ROR2: variants seen among roughly 807,000 people sequenced by gnomAD.
The protein encoded by ROR2 is tyrosine-protein kinase transmembrane receptor ROR2.
A neutral mutation model predicts 74.9 loss-of-function variants in ROR2; 33 were observed. The observed-to-expected ratio is 0.44, with a 90% CI of 0.33 to 0.59. The LOEUF (loss-of-function observed/expected upper bound fraction) is 0.59. Among genes scored for constraint, ROR2 ranks in the 20% least tolerant of loss-of-function variants. ROR2 has a pLI of 0.02. For missense variants in ROR2, 1,216 were observed against 1,313.8 expected (o/e 0.93, Z 1.15); for synonymous variants, 586 against 558.7 (o/e 1.05, Z -0.69).
intron 8 of ROR2, 98 bp from the exon 9 acceptor site, chr9:91,725,205 C>A: frequency 1.3e-6 from 2 of 1,594,074 alleles, no homozygotes; most frequent in Non-Finnish European, 8.5e-7. Context: ...TGTGCGGCCA[C>A]GACTAGGGGG....
intron 1 of ROR2, among the ~76,000 whole-genome samples, chr9:91,806,783 G>C: frequency 6.6e-6 from 1 of 152,042 alleles, no homozygotes; most frequent in Non-Finnish European, 1.5e-5. Flanking sequence ...TAGAGACGGG[G>C]TTTCACCGTG....
intron 1 of ROR2, among the ~76,000 whole-genome samples, chr9:91,888,117 G>A (rs919862978): frequency 2.0e-5 from 3 of 151,946 alleles, no homozygotes; most frequent in Admixed American, 1.3e-4. Context: ...CCAACACTTC[G>A]TATTGTCAGA....
chr9:91,727,691 G>C (rs1837092335), intron 7 of ROR2, among the ~76,000 whole-genome samples: 1 of 152,074 alleles, frequency 6.6e-6, no homozygotes, highest in Non-Finnish European at 1.5e-5. Flanking sequence ...ACGGTGTTCT[G>C]TTTTCTCCTT....
intron 1 of ROR2, among the ~76,000 whole-genome samples, chr9:91,902,524 G>C (rs897944948): frequency 2.0e-5 from 3 of 152,018 alleles, no homozygotes; most frequent in African/African-American, 7.3e-5. Flanking sequence ...AGCCGCCTGA[G>C]ACCTCCTGAA....
intron 1 of ROR2, among the ~76,000 whole-genome samples, chr9:91,846,554 A>G (rs1313673592): frequency 6.6e-6 from 1 of 152,136 alleles, no homozygotes; most frequent in African/African-American, 2.4e-5. Flanking sequence ...GGGCATCTGG[A>G]GCCTACAGAG....
chr9:91,948,723 G>T, intron 1 of ROR2: 1 of 985,508 alleles, frequency 1.0e-6, no homozygotes. Flanking sequence ...CTTCCTGCAG[G>T]AGTGCAGGGA....
chr9:91,760,483 A>T (rs1825880896), intron 2 of ROR2, among the ~76,000 whole-genome samples: 1 of 152,060 alleles, frequency 6.6e-6, no homozygotes, highest in Non-Finnish European at 1.5e-5. Context: ...AATAAAAAAA[A>T]ATTAGCCAGG....
chr9:91,794,429 A>G (rs1177612690), intron 1 of ROR2, among the ~76,000 whole-genome samples: 1 of 152,246 alleles, frequency 6.6e-6, no homozygotes, highest in African/African-American at 2.4e-5. Flanking sequence ...TGAGAACCAC[A>G]GTGTGTCCCT....
chr9:91,912,691 T>G (rs1183074956), intron 1 of ROR2, among the ~76,000 whole-genome samples: 1 of 152,172 alleles, frequency 6.6e-6, no homozygotes, highest in Non-Finnish European at 1.5e-5. Context: ...TCTGGAATAT[T>G]TCTGATTTAT....
At chr9:91,753,452 GAAGA>G (rs1825650087) in intron 4 of ROR2, among the ~76,000 whole-genome samples, 3 of 152,196 alleles carry the variant, frequency 2.0e-5, no homozygotes, top group African/African-American at 7.2e-5. Context: ...TCATCTTATG[GAAGA>G]TAAGGAGAAA....
At chr9:91,874,635 T>C (rs1476973390) in intron 1 of ROR2, among the ~76,000 whole-genome samples, 1 of 152,168 alleles carries the variant, frequency 6.6e-6, no homozygotes, top group Admixed American at 6.5e-5. Flanking sequence ...AACTCTGTAC[T>C]ATAAGCAAGA....
Position 91,770,648 on chromosome 9 carries a change from G to A in ROR2, c.175+5093C>T, listed in dbSNP as rs573835069. On this transcript the variant is annotated intron_variant, in intron 2 of 8. Coordinates refer to ENST00000375708, the MANE Select transcript of ROR2 (RefSeq NM_004560.4). ...ACTGGAGCCTGAAAAGTAACTTTCTGTGGGGTCCCTGGCCAGAGGAGACAC... is the reference window on the plus strand; with the variant it reads ...ACTGGAGCCTGAAAAGTAACTTTCTATGGGGTCCCTGGCCAGAGGAGACAC... Among the ~76,000 whole-genome samples the A allele has an allele frequency of 3.9e-5, 6 of 152,310 alleles. No homozygotes were observed. In the South Asian group the frequency reaches 1.2e-3, roughly 32 times the overall value.
chr9:91,932,912 G>A (rs1261105863), intron 1 of ROR2, among the ~76,000 whole-genome samples: 1 of 152,114 alleles, frequency 6.6e-6, no homozygotes, highest in East Asian at 1.9e-4. Flanking sequence ...CAATGTTGCT[G>A]GGCCTAGAAA....
intron 4 of ROR2, among the ~76,000 whole-genome samples, chr9:91,741,336 AATAAT>A (rs1416292278): frequency 6.9e-6 from 1 of 145,492 alleles, no homozygotes; most frequent in African/African-American, 2.5e-5. Context: ...TAATAATAAT[AATAAT>A]AAAATAATGA....
intron 1 of ROR2, among the ~76,000 whole-genome samples, chr9:91,820,011 T>A (rs567081758): frequency 3.3e-5 from 5 of 152,310 alleles, no homozygotes; most frequent in African/African-American, 1.2e-4. Context: ...TGTCTGTGTG[T>A]GCACACCTGT....
intron 1 of ROR2, among the ~76,000 whole-genome samples, chr9:91,898,023 C>T (rs375329714): frequency 2.0e-5 from 3 of 152,122 alleles, no homozygotes; most frequent in Non-Finnish European, 2.9e-5. Context: ...GACCTTGCCA[C>T]GGCGGGGTCC....
rs1020032473 is a variant in ROR2, at chr9:91,765,031, T to C, written c.176-7472A>G. 5.3e-5 allele frequency among the ~76,000 whole-genome samples: 8 copies of C among 152,370 alleles called. No homozygotes were observed. In the East Asian group the frequency reaches 1.5e-3, roughly 29 times the overall value. ...ATTAATAGTAAATTTATTTTTATTT[T>C]AGCCTCCTCAGGTCTCAGTGCTCTT... On this transcript the variant is annotated intron_variant, in intron 2 of 8. Coordinates refer to ENST00000375708, the MANE Select transcript of ROR2 (RefSeq NM_004560.4).
rs1286533730 is a variant in ROR2 at position 91,756,234 on chromosome 9, G to A, written c.464-133C>T. On this transcript the variant is annotated intron_variant, in intron 3 of 8. Transcript: ENST00000375708. ...GTGGGCAGCTGTCCTCGGGCCTCAG[G>A]CTCCACTCGTGATTACGTCAGCAAG... The A allele has an allele frequency of 7.5e-6, 6 of 803,958 alleles. No individual in the cohort carries two copies. The East Asian group carries it at 1.6e-4, about 21-fold the overall frequency. The allele number at this position is 803,958 out of a possible 1,614,324, so 49.8% of individuals were successfully genotyped here.
At chr9:91,875,259 G>A (rs2119345854) in intron 1 of ROR2, among the ~76,000 whole-genome samples, 1 of 152,290 alleles carries the variant, frequency 6.6e-6, no homozygotes, top group East Asian at 1.9e-4. Context: ...TTGTTTAAAT[G>A]AACAAGAATT....
Sources: allele counts gnomAD v4.1 joint callset (sites outside exome capture counted in the v4.1 genomes callset), GRCh38; gene constraint gnomAD v4.1.1; transcripts MANE v1.5; gene names NCBI Gene and HGNC (gene_info 2026-07-23, HGNC 2026-07-21).